BRAP: variants seen among roughly 807,000 people sequenced by gnomAD.
BRAP encodes the protein BRCA1-associated protein.
A neutral mutation model predicts 73.4 loss-of-function variants in BRAP; 42 were observed. The ratio of observed to expected loss-of-function variants is 0.57; its 90% CI spans 0.45 to 0.74. The LOEUF (loss-of-function observed/expected upper bound fraction) is 0.74, where lower values mean the gene tolerates loss of function less well. Ranked by LOEUF, BRAP falls within the 30% of genes least tolerant of loss-of-function variation. The probability of loss-of-function intolerance (pLI) is 0.00; values close to 1 mark genes in which losing one functional copy is unlikely to be tolerated. For missense variants in BRAP, 593 were observed against 751.4 expected (o/e 0.79, Z 2.46); for synonymous variants, 255 against 267.4 (o/e 0.95, Z 0.45).
chr12:111,655,594 A>C lies in BRAP; in HGVS notation c.1283T>G (p.Val428Gly). The C allele has an allele frequency of 6.2e-7, 1 of 1,613,740 alleles. No individual in the cohort carries two copies. The highest frequency in any genetic ancestry group is 8.5e-7 in the Non-Finnish European group (1 of 1,179,670). Residue 428 changes from valine (V) to glycine (G), a missense_variant, in exon 10 of 12, where the codon GTT becomes GGT. Val to Gly is a moderately radical substitution (Grantham distance 109). Transcript: ENST00000419234. ...CTCTGCTGTGTCCTTCTCTATCCGA[A>C]CTATCTTGTTTTCCCAGTAGATTCG... Reference protein sequence around the residue: ...SQRIYWENKIVRIEKDTAEEI... With the variant: ...SQRIYWENKIGRIEKDTAEEI...
intron 4 of BRAP, among the ~76,000 whole-genome samples, chr12:111,678,899 A>G (rs1887489354): frequency 6.6e-6 from 1 of 151,580 alleles, no homozygotes; most frequent in South Asian, 2.1e-4. Context: ...AGGCAGGAGG[A>G]TTGCTTGAGG....
At chr12:111,648,498 G>C (rs1470543128) in intron 11 of BRAP, among the ~76,000 whole-genome samples, 3 of 143,942 alleles carry the variant, frequency 2.1e-5, no homozygotes, top group African/African-American at 2.6e-5. Flanking sequence ...TGTAGTCTTA[G>C]CTACTCGGGA....
At position 111,643,092 on chromosome 12, in the gene BRAP, G is replaced by C. The variant is rs911115715; in HGVS notation, c.*1107C>G. On this transcript the variant is annotated 3_prime_UTR_variant, in exon 12 of 12. Transcript: ENST00000419234. Reference sequence around the variant, plus strand: ...ATTTTAAGTTTGCTCAATTACTGCAGGTTATAAATTATTTGACATTTATGG... The same window carrying C: ...ATTTTAAGTTTGCTCAATTACTGCACGTTATAAATTATTTGACATTTATGG... 4.6e-5 allele frequency: 7 copies of C among 152,176 alleles called. No individual in the cohort carries two copies. The highest frequency in any genetic ancestry group is 1.0e-4 in the Non-Finnish European group (7 of 68,046). 9.4% of individuals were successfully genotyped at this position (152,176 alleles called of 1,614,324 possible).
chr12:111,648,299 G>A (rs1170130432), intron 11 of BRAP, among the ~76,000 whole-genome samples: 4 of 143,858 alleles, frequency 2.8e-5, no homozygotes, highest in African/African-American at 1.0e-4. Context: ...CCAGCCTGGC[G>A]ACAGAGCAAG....
At chr12:111,685,431 A>G (rs1887779860) in intron 1 of BRAP, among the ~76,000 whole-genome samples, 1 of 152,240 alleles carries the variant, frequency 6.6e-6, no homozygotes, top group African/African-American at 2.4e-5. Context: ...CAAGTGAGAC[A>G]AACACACCAC....
intron 11 of BRAP, among the ~76,000 whole-genome samples, chr12:111,645,356 C>T (rs1418092160): frequency 7.2e-5 from 11 of 152,132 alleles, no homozygotes; most frequent in African/African-American, 2.4e-4. Context: ...TGTGAGCCAC[C>T]GCGTCCAGCC....
chr12:111,674,889 C>T (rs762064713), intron 4 of BRAP, among the ~76,000 whole-genome samples: 4 of 152,154 alleles, frequency 2.6e-5, no homozygotes, highest in Non-Finnish European at 5.9e-5. Context: ...AGGGCCTTCT[C>T]TCACCTCTTC....
At chr12:111,679,605 G>A (rs1036736062) in intron 3 of BRAP, among the ~76,000 whole-genome samples, 1 of 151,974 alleles carries the variant, frequency 6.6e-6, no homozygotes, top group African/African-American at 2.4e-5. Context: ...GCCAGGCACA[G>A]TAGCTCATGC....
chr12:111,677,564 T>C (rs1311393776), intron 4 of BRAP, among the ~76,000 whole-genome samples: 1 of 152,200 alleles, frequency 6.6e-6, no homozygotes, highest in Admixed American at 6.5e-5. Flanking sequence ...TAGTGAGGAT[T>C]AAATGAGACA....
intron 5 of BRAP, among the ~76,000 whole-genome samples, chr12:111,666,422 A>G (rs2135914398): frequency 6.6e-6 from 1 of 152,314 alleles, no homozygotes; most frequent in Non-Finnish European, 1.5e-5. Context: ...CAGCACCAAC[A>G]ACACTGATTT....
At chr12:111,647,994 G>C (rs970342766) in intron 11 of BRAP, among the ~76,000 whole-genome samples, 2 of 152,070 alleles carry the variant, frequency 1.3e-5, no homozygotes, top group Non-Finnish European at 2.9e-5. Flanking sequence ...CCTGAGCCTA[G>C]GGAGGTGGAA....
At chr12:111,663,271 T>C (rs771022223) in intron 6 of BRAP, among the ~76,000 whole-genome samples, 32 of 151,958 alleles carry the variant, frequency 2.1e-4, no homozygotes, top group Non-Finnish European at 3.5e-4. Context: ...TGGGCCAACA[T>C]GGCAAAACCC....
Position 111,681,649 on chromosome 12 carries a change from A to C in BRAP, c.431T>G (p.Leu144Arg). ...SVEIVHGIMHLYKTNKMTSLK... is the reference protein window; with the variant it reads ...SVEIVHGIMHRYKTNKMTSLK... ...AGGGTTTTCTTACTTTGTCTTATAT[A>C]GGTGCATAATACCATGAACTATTTC... Residue 144 changes from leucine (L) to arginine (R), a missense_variant, in exon 3 of 12, where the codon CTA becomes CGA. By Grantham distance (102) the Leu-to-Arg change is moderately radical. Coordinates refer to ENST00000419234, the MANE Select transcript of BRAP (RefSeq NM_006768.5). 1 of 1,611,070 alleles carries C rather than the reference A, an allele frequency of 6.2e-7. No individual in the cohort carries two copies. Among genetic ancestry groups the C allele is most frequent in the South Asian group, 1.1e-5 (1 of 90,722 alleles).
intron 2 of BRAP, among the ~76,000 whole-genome samples, chr12:111,682,755 T>C (rs1043141588): frequency 6.6e-6 from 1 of 151,528 alleles, no homozygotes; most frequent in African/African-American, 2.4e-5. Flanking sequence ...CTACTGAAAA[T>C]ACAAAAATTA....
At chr12:111,668,010 C>T (rs1887023345) in intron 5 of BRAP, among the ~76,000 whole-genome samples, 1 of 152,114 alleles carries the variant, frequency 6.6e-6, no homozygotes. Flanking sequence ...AGTTTGAGAC[C>T]AGCCTGGCCA....
chr12:111,652,208 G>A (rs1344346845), intron 10 of BRAP, among the ~76,000 whole-genome samples: 1 of 152,054 alleles, frequency 6.6e-6, no homozygotes, highest in African/African-American at 2.4e-5. Context: ...AAAATATAAA[G>A]GTAACCCTAC....
intron 9 of BRAP, among the ~76,000 whole-genome samples, chr12:111,657,144 A>G (rs1235054309): frequency 6.6e-6 from 1 of 152,122 alleles, no homozygotes; most frequent in East Asian, 1.9e-4. Context: ...CCCAGGTTCA[A>G]GCGATTCTCC....
intron 10 of BRAP, among the ~76,000 whole-genome samples, chr12:111,651,227 A>AT (rs1309986054): frequency 0.017 from 1,977 of 117,302 alleles, 52 homozygotes; most frequent in African/African-American, 0.098. Flanking sequence ...CACTAGCTTT[A>AT]ATAATAATAA....
At chr12:111,685,202 C>T (rs1380476153) in intron 1 of BRAP, among the ~76,000 whole-genome samples, 1 of 152,220 alleles carries the variant, frequency 6.6e-6, no homozygotes, top group Non-Finnish European at 1.5e-5. Flanking sequence ...TCACATCCAT[C>T]TGCCTCTTAG....
Sources: allele counts gnomAD v4.1 joint callset (sites outside exome capture counted in the v4.1 genomes callset), GRCh38; gene constraint gnomAD v4.1.1; transcripts MANE v1.5; gene names NCBI Gene and HGNC (gene_info 2026-07-23, HGNC 2026-07-21).